ELAPOR1: variants seen among roughly 807,000 people sequenced by gnomAD.
ELAPOR1 encodes endosome/lysosome-associated apoptosis and autophagy regulator 1.
Under a neutral mutation model 119.7 loss-of-function variants are expected in ELAPOR1, and 77 were observed. The observed-to-expected ratio is 0.64, with a 90% CI of 0.54 to 0.78. The LOEUF (loss-of-function observed/expected upper bound fraction) is 0.78, where lower values mean the gene tolerates loss of function less well. Among genes scored for constraint, ELAPOR1 ranks in the 30% least tolerant of loss-of-function variants. ELAPOR1 has a pLI of 0.00. For synonymous variants in ELAPOR1, 481 were observed against 487.2 expected (o/e 0.99, Z 0.17); for missense variants, 1,115 against 1,270.4 (o/e 0.88, Z 1.86).
chr1:109,171,383 A>G (rs913256712), intron 3 of ELAPOR1, among the ~76,000 whole-genome samples: 6 of 151,944 alleles, frequency 3.9e-5, no homozygotes. Flanking sequence ...ACCTGTCTCT[A>G]CTAAAAAAAA....
chr1:109,179,613 TA>T (rs760095184), intron 7 of ELAPOR1, among the ~76,000 whole-genome samples: 1 of 151,844 alleles, frequency 6.6e-6, no homozygotes, highest in Non-Finnish European at 1.5e-5. Flanking sequence ...TGGAGGTCAT[TA>T]AAGAATTTTA....
At chr1:109,116,668 C>T (rs1648025028) in intron 1 of ELAPOR1, among the ~76,000 whole-genome samples, 2 of 144,694 alleles carry the variant, frequency 1.4e-5, no homozygotes, top group African/African-American at 2.6e-5. Flanking sequence ...GGTAGACCAG[C>T]TCTTCTCTGT....
chr1:109,189,299 A>C, intron 10 of ELAPOR1, 105 bp downstream of exon 10: 1 of 1,383,654 alleles, frequency 7.2e-7, no homozygotes, highest in Non-Finnish European at 9.9e-7. Flanking sequence ...AAATAAGCTA[A>C]CCATGTCATG....
At position 109,201,259 on chromosome 1, in the gene ELAPOR1, G is replaced by A; in HGVS notation, c.2973+359G>A. On this transcript the variant is annotated intron_variant, in intron 21 of 21. Coordinates refer to ENST00000369939, the MANE Select transcript of ELAPOR1 (RefSeq NM_020775.5). ...CTGAAAAGGGAAAAGGTGATCTCTGGGATCAACTTCTGATAGAAGTCAGGC... is the reference window on the plus strand; with the variant it reads ...CTGAAAAGGGAAAAGGTGATCTCTGAGATCAACTTCTGATAGAAGTCAGGC... 6.6e-6 allele frequency: 3 copies of A among 455,698 alleles called. 1 individual carries two copies. Among genetic ancestry groups the A allele is most frequent in the South Asian group, 4.7e-5 (3 of 63,568 alleles). 28.2% of individuals were successfully genotyped at this position (455,698 alleles called of 1,614,324 possible).
chr1:109,173,053 AG>A (rs1558049391), intron 5 of ELAPOR1, among the ~76,000 whole-genome samples: 1 of 146,070 alleles, frequency 6.8e-6, no homozygotes, highest in East Asian at 2.1e-4. Flanking sequence ...GCTGAGATCG[AG>A]CCATTGCACT....
intron 1 of ELAPOR1, among the ~76,000 whole-genome samples, chr1:109,159,590 T>C (rs1651118828): frequency 6.6e-6 from 1 of 152,210 alleles, no homozygotes; most frequent in African/African-American, 2.4e-5. Context: ...TTTGGCCCTG[T>C]GTGAGTCTGT....
At chr1:109,153,058 A>T (rs762062561) in intron 1 of ELAPOR1, among the ~76,000 whole-genome samples, 41 of 152,100 alleles carry the variant, frequency 2.7e-4, no homozygotes, top group Middle Eastern at 3.4e-3. Context: ...GTAGAGATAG[A>T]TAAAGAACGG....
rs1362384653 is a variant in ELAPOR1 at position 109,206,698 on chromosome 1, G to A, written c.*3686G>A. 6.6e-6 allele frequency: 1 copy of A among 151,376 alleles called. No individual in the cohort carries two copies. The highest frequency in any genetic ancestry group is 2.4e-5 in the African/African-American group (1 of 41,172). The allele number at this position is 151,376 out of a possible 1,614,324, so 9.4% of individuals were successfully genotyped here. ...GCTGGTTGGATTTCCTTTTTACCCTGTAATCCAAGCGTTAATAGTTTGTTA... is the reference window on the plus strand; with the variant it reads ...GCTGGTTGGATTTCCTTTTTACCCTATAATCCAAGCGTTAATAGTTTGTTA... On this transcript the variant is annotated 3_prime_UTR_variant, in exon 22 of 22. Coordinates refer to ENST00000369939, the MANE Select transcript of ELAPOR1 (RefSeq NM_020775.5).
Position 109,194,417 on chromosome 1 carries a change from T to A in ELAPOR1, c.1948-4T>A, listed in dbSNP as rs1337141660. ...CTGGCCCGACCCGTCCCTCTCCCCC[T>A]CAGATCCACTCTCTGTGCTACAACG... is the stretch of plus-strand genomic sequence containing the variant. On this transcript the variant is annotated splice_region_variant and splice_polypyrimidine_tract_variant and intron_variant, in intron 14 of 21. Coordinates refer to ENST00000369939, the MANE Select transcript of ELAPOR1 (RefSeq NM_020775.5). The A allele has an allele frequency of 6.2e-7, 1 of 1,613,048 alleles. No individual in the cohort carries two copies. Among genetic ancestry groups the A allele is most frequent in the Non-Finnish European group, 8.5e-7 (1 of 1,179,358 alleles).
chr1:109,168,391 A>G (rs1167714075), intron 3 of ELAPOR1, among the ~76,000 whole-genome samples: 2 of 152,214 alleles, frequency 1.3e-5, no homozygotes, highest in Non-Finnish European at 2.9e-5. Flanking sequence ...TGTCTTGTTC[A>G]TCACTGTGTC....
At chr1:109,193,099 T>A (rs1449514945) in intron 14 of ELAPOR1, among the ~76,000 whole-genome samples, 1 of 151,936 alleles carries the variant, frequency 6.6e-6, no homozygotes, top group Non-Finnish European at 1.5e-5. Flanking sequence ...GTCTCCTCTT[T>A]AGTTGGCAGG....
chr1:109,145,610 C>T (rs1216405127), intron 1 of ELAPOR1, among the ~76,000 whole-genome samples: 4 of 151,984 alleles, frequency 2.6e-5, no homozygotes, highest in Non-Finnish European at 2.9e-5. Flanking sequence ...GAACCGAGAT[C>T]GTGCCACTGC....
chr1:109,200,269 G>A (rs772115549), intron 20 of ELAPOR1, 32 bp downstream of exon 20: 11 of 1,604,148 alleles, frequency 6.9e-6, no homozygotes, highest in Non-Finnish European at 8.5e-6. Context: ...TGTGGGGATG[G>A]ACAGGGTTGG....
chr1:109,131,710 C>A (rs924116138), intron 1 of ELAPOR1, among the ~76,000 whole-genome samples: 1 of 152,096 alleles, frequency 6.6e-6, no homozygotes, highest in African/African-American at 2.4e-5. Flanking sequence ...TTTGCGTTTG[C>A]AACTCTAAGA....
At chr1:109,199,418 C>T (rs1654023614) in intron 18 of ELAPOR1, among the ~76,000 whole-genome samples, 1 of 152,184 alleles carries the variant, frequency 6.6e-6, no homozygotes, top group Non-Finnish European at 1.5e-5. Context: ...GTAAACATCA[C>T]AGTAAAGTAC....
chr1:109,200,964 A>G, intron 21 of ELAPOR1, 64 bp downstream of exon 21: 4 of 1,503,968 alleles, frequency 2.7e-6, no homozygotes, highest in Non-Finnish European at 3.6e-6. Context: ...TGCTCCTCAG[A>G]CACTGAATGG....
chr1:109,183,345 AAAACAAAAAAAAGAG>A (rs1553256309), intron 7 of ELAPOR1, among the ~76,000 whole-genome samples: 68,098 of 116,526 alleles, frequency 0.58, 20,379 homozygotes, highest in East Asian at 0.68. Context: ...AAAAAAAAAA[AAAACAAAAAAAAGAG>A]AGAGAGAGAG....
At chr1:109,156,189 GGA>G (rs1650861355) in intron 1 of ELAPOR1, among the ~76,000 whole-genome samples, 1 of 151,504 alleles carries the variant, frequency 6.6e-6, no homozygotes, top group South Asian at 2.1e-4. Flanking sequence ...TTTTTATTTT[GGA>G]GATATTTCTC....
At chr1:109,171,768 A>G in intron 3 of ELAPOR1, 98 bp from the exon 4 acceptor site, 1 of 1,300,558 alleles carries the variant, frequency 7.7e-7, no homozygotes, top group South Asian at 1.4e-5. Context: ...ACAAGCCTGA[A>G]AATTCCCAAA....
Sources: allele counts gnomAD v4.1 joint callset (sites outside exome capture counted in the v4.1 genomes callset), GRCh38; gene constraint gnomAD v4.1.1; transcripts MANE v1.5; gene names NCBI Gene and HGNC (gene_info 2026-07-23, HGNC 2026-07-21).